Variants in APH1B observed in about 807,000 individuals in gnomAD.
APH1B encodes aph-1B gamma-secretase subunit, also known as gamma-secretase subunit APH-1B.
APH1B carries 27 observed loss-of-function variants against 28.2 expected under a neutral mutation model. The observed-to-expected ratio is 0.96, with a 90% CI of 0.70 to 1.32. The LOEUF (loss-of-function observed/expected upper bound fraction) is 1.32, where lower values mean the gene tolerates loss of function less well. Ranked by LOEUF, APH1B falls within the 40% of genes most tolerant of loss-of-function variation. APH1B has a pLI of 0.00. For synonymous variants in APH1B, 141 were observed against 124.6 expected, an observed-to-expected ratio of 1.13 and a Z score of -0.88; for missense variants, 305 against 313.6, an observed-to-expected ratio of 0.97 and a Z score of 0.21.
intron 4 of APH1B, 83 bp from the exon 5 acceptor site, chr15:63,302,261 AC>A: frequency 6.7e-7 from 1 of 1,495,970 alleles, no homozygotes; most frequent in South Asian, 1.4e-5. Flanking sequence ...TGTGGTGGAC[AC>A]CCCGAGAGCC....
In APH1B at chr15:63,305,873, A is replaced by T; in HGVS notation, c.*92A>T. The T allele has an allele frequency of 6.9e-7, 1 of 1,459,592 alleles. No individual in the cohort carries two copies. The highest frequency in any genetic ancestry group is 1.4e-5 in the South Asian group (1 of 73,126). 90.4% of individuals were successfully genotyped at this position (1,459,592 alleles called of 1,614,324 possible). On this transcript the variant is annotated 3_prime_UTR_variant, in exon 6 of 6. Transcript: ENST00000261879. ...TCTGAAAATCCCTTTTTCTGGTGGA[A>T]TTGAGAAAGAAATAAAACTATGCAG... is the stretch of plus-strand genomic sequence containing the variant.
At chr15:63,287,316 A>C in intron 3 of APH1B, 108 bp from the exon 4 acceptor site, 1 of 1,456,578 alleles carries the variant, frequency 6.9e-7, no homozygotes. Flanking sequence ...TTCAGGAAGA[A>C]CATAAGCACC....
At chr15:63,289,075 T>A (rs896291067) in intron 4 of APH1B, among the ~76,000 whole-genome samples, 3 of 152,212 alleles carry the variant, frequency 2.0e-5, no homozygotes, top group African/African-American at 4.8e-5. Flanking sequence ...ATTTGGGGAT[T>A]GTATTTGTAA....
intron 2 of APH1B, among the ~76,000 whole-genome samples, chr15:63,284,177 T>G (rs1567027800): frequency 6.6e-6 from 1 of 152,170 alleles, no homozygotes; most frequent in Non-Finnish European, 1.5e-5. Context: ...TTTATTATCA[T>G]TATGAAGTAT....
intron 5 of APH1B, 111 bp from the exon 6 acceptor site, chr15:63,305,503 A>T: frequency 7.8e-7 from 1 of 1,288,502 alleles, no homozygotes. Context: ...ACGTTTGGTG[A>T]AACACACCCA....
At chr15:63,286,732 C>A in intron 3 of APH1B, 104 bp downstream of exon 3, 1 of 1,053,772 alleles carries the variant, frequency 9.5e-7, no homozygotes, top group Non-Finnish European at 1.4e-6. Context: ...TTGTTTATTA[C>A]TGCCTTGGCC....
rs200004783 is a variant in APH1B at position 63,305,957 on chromosome 15, G to T, written c.*176G>T. 24 of 796,906 alleles carry T rather than the reference G, an allele frequency of 3.0e-5. No individual in the cohort carries two copies. The highest frequency in any genetic ancestry group is 1.2e-4 in the Admixed American group (4 of 32,406). The allele number at this position is 796,906 out of a possible 1,614,324, so 49.4% of individuals were successfully genotyped here. A position where few individuals can be genotyped will look rare whatever the true frequency, so the allele number is the denominator to read the frequency against. On this transcript the variant is annotated 3_prime_UTR_variant, in exon 6 of 6. Coordinates refer to ENST00000261879, the MANE Select transcript of APH1B (RefSeq NM_031301.4). ...TGCTCTCCGAAAGGGGTGCTCAGTG[G>T]TGTGCGTCCTGGCTGCACGAGAATC...
intron 2 of APH1B, among the ~76,000 whole-genome samples, chr15:63,279,740 A>G (rs1339634115): frequency 2.6e-5 from 4 of 152,110 alleles, no homozygotes; most frequent in Non-Finnish European, 5.9e-5. Flanking sequence ...AAACAACTAC[A>G]GAAATCATTC....
intron 2 of APH1B, among the ~76,000 whole-genome samples, chr15:63,281,916 C>G (rs933492363): frequency 1.3e-5 from 2 of 152,082 alleles, no homozygotes; most frequent in Non-Finnish European, 2.9e-5. Context: ...TTCAGAGAAG[C>G]CTCTTTAGGT....
chr15:63,303,050 A>G (rs1447593824), intron 5 of APH1B, among the ~76,000 whole-genome samples: 1 of 152,236 alleles, frequency 6.6e-6, no homozygotes, highest in Non-Finnish European at 1.5e-5. Flanking sequence ...TGAAAAGTAT[A>G]TACCAAAATG....
At chr15:63,285,567 A>G (rs2038436228) in intron 2 of APH1B, among the ~76,000 whole-genome samples, 1 of 152,208 alleles carries the variant, frequency 6.6e-6, no homozygotes, top group Non-Finnish European at 1.5e-5. Flanking sequence ...TCTGCATGGC[A>G]CTCATGGTAA....
intron 4 of APH1B, chr15:63,291,861 G>T (rs576672904): frequency 6.6e-6 from 1 of 152,284 alleles, no homozygotes. Context: ...AGATACCTTG[G>T]GAAGTTAATG....
At position 63,307,804 on chromosome 15, in the gene APH1B, A is replaced by G. The variant is rs2038702490; in HGVS notation, c.*2023A>G. 1 of 152,262 alleles carries G rather than the reference A, an allele frequency of 6.6e-6. No homozygotes were observed. Among genetic ancestry groups the G allele is most frequent in the Admixed American group, 6.5e-5 (1 of 15,284 alleles). The allele number at this position is 152,262 out of a possible 1,614,324, so 9.4% of individuals were successfully genotyped here. On this transcript the variant is annotated 3_prime_UTR_variant, in exon 6 of 6. Coordinates refer to ENST00000261879, the MANE Select transcript of APH1B (RefSeq NM_031301.4). ...GTTCTCTGTACGCCGATGGTTTCAT[A>G]TTAACTAAAAAAGCTGGGTATTGTA...
At chr15:63,299,324 G>T (rs571152109) in intron 4 of APH1B, among the ~76,000 whole-genome samples, 2 of 152,208 alleles carry the variant, frequency 1.3e-5, no homozygotes, top group Non-Finnish European at 2.9e-5. Flanking sequence ...GAGGATGCTT[G>T]CCTAAAACTC....
intron 4 of APH1B, among the ~76,000 whole-genome samples, chr15:63,297,526 G>C (rs1384036704): frequency 1.3e-5 from 2 of 152,162 alleles, no homozygotes; most frequent in East Asian, 3.9e-4. Context: ...TTGAGAACCT[G>C]TCTCAGAAAA....
At chr15:63,287,253 C>T in intron 3 of APH1B, 171 bp from the exon 4 acceptor site, 1 of 759,830 alleles carries the variant, frequency 1.3e-6, no homozygotes, top group Non-Finnish European at 2.0e-6. Flanking sequence ...GCTTCCCTCT[C>T]TGATTCATCA....
intron 3 of APH1B, among the ~76,000 whole-genome samples, chr15:63,286,924 C>T (rs1337029471): frequency 6.6e-6 from 1 of 152,150 alleles, no homozygotes; most frequent in Non-Finnish European, 1.5e-5. Flanking sequence ...GTTACTTTCT[C>T]TGAATCTTAC....
chr15:63,295,626 T>C (rs569072777), intron 4 of APH1B, among the ~76,000 whole-genome samples: 3 of 152,220 alleles, frequency 2.0e-5, no homozygotes, highest in Non-Finnish European at 4.4e-5. Context: ...ATGTGTGTTA[T>C]GGGGTGTTTA....
Position 63,302,370 on chromosome 15 carries a change from G to C in APH1B, c.504G>C (p.Leu168Phe). The part of the protein sequence containing the change: ...YSAFMTLVII[L>F]LHVFWGIVFF... ...CTTTCATGACGCTGGTCATTATCTT[G>C]CTGCATGTATTCTGGGGCATTGTAT... Residue 168 changes from leucine (L) to phenylalanine (F), a missense_variant, in exon 5 of 6, where the codon TTG (leucine) becomes TTC (phenylalanine). Coordinates refer to ENST00000261879, the MANE Select transcript of APH1B (RefSeq NM_031301.4). 16 of 1,614,010 alleles carry C rather than the reference G, an allele frequency of 9.9e-6. No homozygotes were observed. Among genetic ancestry groups the C allele is most frequent in the Non-Finnish European group, 1.4e-5 (16 of 1,179,958 alleles).
Sources: allele counts gnomAD v4.1 joint callset (sites outside exome capture counted in the v4.1 genomes callset), GRCh38; gene constraint gnomAD v4.1.1; transcripts MANE v1.5; gene names NCBI Gene and HGNC (gene_info 2026-07-23, HGNC 2026-07-21).